Variants in PAPPA2 observed in about 807,000 individuals in gnomAD.
PAPPA2 encodes pappalysin-2.
PAPPA2 carries 86 observed loss-of-function variants against 176.4 expected under a neutral mutation model. The observed-to-expected ratio is 0.49, with a 90% confidence interval of 0.41 to 0.58. The LOEUF is 0.58. Ranked by LOEUF, PAPPA2 falls within the 20% of genes least tolerant of loss-of-function variation. The pLI is 0.00. For missense variants in PAPPA2, 2,073 were observed against 2,256.9 expected (o/e 0.92, Z 1.65); for synonymous variants, 809 against 852.2 (o/e 0.95, Z 0.88).
chr1:176,796,025 T>C lies in PAPPA2; in HGVS notation c.5130+2356T>C, dbSNP rs372333659. Reference sequence around the variant, plus strand: ...TAATACACTGGCAAAAGCCACAGTTTCCAACCAAATGACCTCACTCTTCCC... The same window carrying C: ...TAATACACTGGCAAAAGCCACAGTTCCCAACCAAATGACCTCACTCTTCCC... On this transcript the variant is annotated intron_variant, in intron 20 of 22. Coordinates refer to ENST00000367662, the MANE Select transcript of PAPPA2 (RefSeq NM_020318.3). 3.3e-4 allele frequency among the ~76,000 whole-genome samples: 51 copies of C among 152,322 alleles called. No individual in the cohort carries two copies. In the South Asian group the frequency reaches 9.9e-3, roughly 30 times the overall value.
At chr1:176,522,082 G>A (rs1358777545) in intron 1 of PAPPA2, among the ~76,000 whole-genome samples, 1 of 152,140 alleles carries the variant, frequency 6.6e-6, no homozygotes, top group Non-Finnish European at 1.5e-5. Flanking sequence ...TCCTCCATCT[G>A]TGGAAAGTCT....
chr1:176,472,831 C>G (rs1247913941), intron 1 of PAPPA2, among the ~76,000 whole-genome samples: 1 of 152,102 alleles, frequency 6.6e-6, no homozygotes, highest in Non-Finnish European at 1.5e-5. Flanking sequence ...TTTGTCTCTA[C>G]TTTTTGTGAT....
At chr1:176,645,837 T>G (rs957282364) in intron 3 of PAPPA2, among the ~76,000 whole-genome samples, 1 of 151,730 alleles carries the variant, frequency 6.6e-6, no homozygotes, top group African/African-American at 2.4e-5. Flanking sequence ...CCCTAAGGAT[T>G]TGTGATGTTG....
chr1:176,546,535 T>C (rs1481944293), intron 1 of PAPPA2, among the ~76,000 whole-genome samples: 1 of 152,180 alleles, frequency 6.6e-6, no homozygotes, highest in African/African-American at 2.4e-5. Flanking sequence ...ATAATCAGTC[T>C]GATAAGGAAT....
At chr1:176,642,504 G>A (rs967894829) in intron 3 of PAPPA2, among the ~76,000 whole-genome samples, 5 of 151,748 alleles carry the variant, frequency 3.3e-5, no homozygotes, top group African/African-American at 1.2e-4. Flanking sequence ...ACCTGACAGT[G>A]ACAAGAGATG....
chr1:176,572,414 G>C (rs1267191850), intron 2 of PAPPA2, among the ~76,000 whole-genome samples: 1 of 152,088 alleles, frequency 6.6e-6, no homozygotes, highest in Non-Finnish European at 1.5e-5. Flanking sequence ...GACTCACCTG[G>C]GTTCAATTTG....
At chr1:176,557,631 A>T (rs1651406319) in intron 2 of PAPPA2, among the ~76,000 whole-genome samples, 1 of 152,310 alleles carries the variant, frequency 6.6e-6, no homozygotes, top group African/African-American at 2.4e-5. Context: ...TTGAAGACAG[A>T]TGAGAATCCA....
intron 21 of PAPPA2, among the ~76,000 whole-genome samples, chr1:176,821,203 T>C (rs899029348): frequency 1.3e-5 from 2 of 152,128 alleles, no homozygotes; most frequent in African/African-American, 4.8e-5. Flanking sequence ...GAAATTCCCA[T>C]CACAGTGTAC....
chr1:176,580,334 A>C (rs1232655215), intron 2 of PAPPA2, among the ~76,000 whole-genome samples: 1 of 152,222 alleles, frequency 6.6e-6, no homozygotes, highest in Non-Finnish European at 1.5e-5. Context: ...TGCAAATGAC[A>C]GGATTTCATT....
intron 21 of PAPPA2, among the ~76,000 whole-genome samples, chr1:176,827,412 C>G (rs1666900459): frequency 6.6e-6 from 1 of 152,186 alleles, no homozygotes; most frequent in Non-Finnish European, 1.5e-5. Flanking sequence ...TTTTCTTTTA[C>G]CATCTGAAAT....
At chr1:176,760,343 G>T (rs555572673) in intron 14 of PAPPA2, among the ~76,000 whole-genome samples, 24 of 152,220 alleles carry the variant, frequency 1.6e-4, no homozygotes, top group Non-Finnish European at 3.4e-4. Flanking sequence ...TGAAGCAGTG[G>T]GGCCAATGTC....
At chr1:176,693,405 G>A (rs576958701) in intron 6 of PAPPA2, among the ~76,000 whole-genome samples, 3 of 152,324 alleles carry the variant, frequency 2.0e-5, no homozygotes, top group African/African-American at 7.2e-5. Flanking sequence ...TCGGGAATAA[G>A]GAACATAGAA....
rs989656395 is a variant in PAPPA2, at chr1:176,668,196, G to A, written c.1992-2774G>A. Among the ~76,000 whole-genome samples the A allele has an allele frequency of 4.6e-5, 7 of 152,274 alleles. No individual in the cohort carries two copies. The South Asian group carries it at 6.2e-4, about 14-fold the overall frequency. On this transcript the variant is annotated intron_variant, in intron 3 of 22. Coordinates refer to ENST00000367662, the MANE Select transcript of PAPPA2 (RefSeq NM_020318.3). ...TCCAAGGACAGCCTGTTTCTGAGAC[G>A]ATTTTTATAAAAACCAAGATATAAC... is the stretch of plus-strand genomic sequence containing the variant.
intron 4 of PAPPA2, among the ~76,000 whole-genome samples, chr1:176,682,640 A>T (rs1659639182): frequency 8.8e-6 from 1 of 113,194 alleles, no homozygotes; most frequent in Admixed American, 7.8e-5. Flanking sequence ...CCAATAAATT[A>T]TTAGCTATAA....
At chr1:176,528,761 A>G (rs1649631454) in intron 1 of PAPPA2, among the ~76,000 whole-genome samples, 2 of 152,030 alleles carry the variant, frequency 1.3e-5, no homozygotes. Context: ...ACAGTCCATG[A>G]TTTCTTCCAC....
intron 21 of PAPPA2, among the ~76,000 whole-genome samples, chr1:176,811,959 A>G (rs1169830384): frequency 6.6e-6 from 1 of 152,130 alleles, no homozygotes; most frequent in Non-Finnish European, 1.5e-5. Flanking sequence ...TAAAAGCACA[A>G]CCAACCGTCC....
intron 5 of PAPPA2, chr1:176,691,312 G>A: frequency 5.2e-6 from 2 of 383,196 alleles, no homozygotes; most frequent in Non-Finnish European, 7.2e-6. Flanking sequence ...CCCTGGTCAT[G>A]ACTTTGAAGG....
chr1:176,839,413 G>C (rs868568989), intron 21 of PAPPA2, among the ~76,000 whole-genome samples: 1 of 152,108 alleles, frequency 6.6e-6, no homozygotes, highest in African/African-American at 2.4e-5. Flanking sequence ...ATTTTAGTTC[G>C]TGCTGATTTA....
At chr1:176,616,559 G>T in intron 3 of PAPPA2, 1 of 1,408,030 alleles carries the variant, frequency 7.1e-7, no homozygotes, top group South Asian at 1.2e-5. Context: ...CAATCTGGTT[G>T]GATGGTGGTG....
Sources: gnomAD v4.1 joint callset for allele counts (sites outside exome capture counted in the v4.1 genomes callset) on GRCh38, gnomAD v4.1.1 for gene constraint, MANE v1.5 for transcripts, NCBI Gene and HGNC (gene_info 2026-07-23, HGNC 2026-07-21) for gene names.